The following TMEM132C variants were observed in gnomAD, a reference collection of about 807,000 sequenced individuals.
TMEM132C encodes the protein protein phosphatase 1, regulatory subunit 152.
A neutral mutation model predicts 61.4 loss-of-function variants in TMEM132C; 29 were observed. The observed-to-expected ratio is 0.47, with a 90% CI of 0.35 to 0.64. The LOEUF is 0.64. Among genes scored for constraint, TMEM132C ranks in the 30% least tolerant of loss-of-function variants. The pLI, the probability that TMEM132C is intolerant of heterozygous loss-of-function variation, is 0.00. For synonymous variants in TMEM132C, 656 were observed against 633.1 expected (o/e 1.04, Z -0.54); for missense variants, 1,408 against 1,476.9 (o/e 0.95, Z 0.76).
At chr12:128,468,519 A>G (rs954774447) in intron 2 of TMEM132C, among the ~76,000 whole-genome samples, 2 of 152,004 alleles carry the variant, frequency 1.3e-5, no homozygotes, top group East Asian at 1.9e-4. Flanking sequence ...GGGTTTCTCC[A>G]TGTTGGTCAG....
chr12:128,338,757 AATATAT>A (rs59699427), intron 1 of TMEM132C, among the ~76,000 whole-genome samples: 1,576 of 138,630 alleles, frequency 0.011, 86 homozygotes, highest in African/African-American at 0.038. Flanking sequence ...CTTCTGCAGA[AATATAT>A]ATATATATAT....
intron 4 of TMEM132C, among the ~76,000 whole-genome samples, chr12:128,635,316 G>A (rs1170828333): frequency 2.0e-5 from 3 of 152,302 alleles, no homozygotes; most frequent in Admixed American, 1.3e-4. Flanking sequence ...GCATACTAAA[G>A]ATTCTTGAAA....
At chr12:128,636,013 G>A (rs967367207) in intron 4 of TMEM132C, among the ~76,000 whole-genome samples, 2 of 152,326 alleles carry the variant, frequency 1.3e-5, no homozygotes, top group African/African-American at 4.8e-5. Context: ...AGCTCTGCCA[G>A]TTCTACTAGG....
intron 4 of TMEM132C, among the ~76,000 whole-genome samples, chr12:128,666,495 T>C (rs1298350551): frequency 6.6e-6 from 1 of 152,118 alleles, no homozygotes; most frequent in Non-Finnish European, 1.5e-5. Context: ...ACTAAGACAG[T>C]CTAGGATTCA....
intron 2 of TMEM132C, among the ~76,000 whole-genome samples, chr12:128,422,266 T>C (rs1869015348): frequency 6.6e-6 from 1 of 152,136 alleles, no homozygotes; most frequent in African/African-American, 2.4e-5. Context: ...ACAGAATCAC[T>C]CTGCTGCCAA....
At chr12:128,446,052 G>C (rs1215477774) in intron 2 of TMEM132C, among the ~76,000 whole-genome samples, 1 of 152,192 alleles carries the variant, frequency 6.6e-6, no homozygotes, top group African/African-American at 2.4e-5. Flanking sequence ...AAAAGCAACG[G>C]GGGATGGTGT....
At position 128,360,382 on chromosome 12, in the gene TMEM132C, G is replaced by A. The variant is rs147151388; in HGVS notation, c.86-54350G>A. On this transcript the variant is annotated intron_variant, in intron 1 of 8. Coordinates refer to ENST00000435159, the MANE Select transcript of TMEM132C (RefSeq NM_001136103.3). ...GATGATAGAAATATCCTATGACTTT[G>A]CAATCCACAGGGAAGCCATGAGTCA... Among the ~76,000 whole-genome samples the A allele has an allele frequency of 4.1e-3, 629 of 152,178 alleles. 4 individuals carry two copies. The highest frequency in any genetic ancestry group is 0.014 in the African/African-American group (600 of 41,502).
chr12:128,320,177 A>G (rs928801006), intron 1 of TMEM132C, among the ~76,000 whole-genome samples: 3 of 152,192 alleles, frequency 2.0e-5, no homozygotes, highest in Non-Finnish European at 4.4e-5. Context: ...TGCCCTTGTC[A>G]TAAAATTAAT....
intron 1 of TMEM132C, among the ~76,000 whole-genome samples, chr12:128,358,576 A>T (rs892118962): frequency 1.3e-5 from 2 of 150,770 alleles, no homozygotes; most frequent in African/African-American, 4.9e-5. Flanking sequence ...GTGGCGTGAT[A>T]GTTTTAGGAG....
chr12:128,329,331 TC>T (rs772990113), intron 1 of TMEM132C, among the ~76,000 whole-genome samples: 6 of 152,074 alleles, frequency 3.9e-5, no homozygotes, highest in Non-Finnish European at 7.4e-5. Flanking sequence ...GTAAACTCTG[TC>T]CGGGAGTGGG....
At chr12:128,589,555 G>A (rs548767820) in intron 3 of TMEM132C, among the ~76,000 whole-genome samples, 3 of 139,448 alleles carry the variant, frequency 2.2e-5, no homozygotes, top group South Asian at 2.3e-4. Context: ...CGATAGCGTC[G>A]TGACGCATCG....
chr12:128,676,519 C>T (rs1954588496), intron 5 of TMEM132C, among the ~76,000 whole-genome samples: 1 of 152,100 alleles, frequency 6.6e-6, no homozygotes, highest in Non-Finnish European at 1.5e-5. Flanking sequence ...ACCTTTACTC[C>T]CATCACCCTT....
At chr12:128,404,098 G>A (rs1429035037) in intron 1 of TMEM132C, among the ~76,000 whole-genome samples, 2 of 152,172 alleles carry the variant, frequency 1.3e-5, no homozygotes, top group Non-Finnish European at 2.9e-5. Context: ...GTCACCAAGT[G>A]TTTCTCAAGA....
intron 1 of TMEM132C, among the ~76,000 whole-genome samples, chr12:128,275,394 A>G (rs12302609): frequency 0.48 from 73,086 of 152,028 alleles, 17,906 homozygotes; most frequent in African/African-American, 0.56. Flanking sequence ...CCTAGGTTGC[A>G]TGCTCCTTAT....
intron 1 of TMEM132C, among the ~76,000 whole-genome samples, chr12:128,408,835 T>C (rs1011448580): frequency 5.3e-5 from 8 of 152,204 alleles, no homozygotes; most frequent in Admixed American, 1.3e-4. Flanking sequence ...CAAGTCCGTT[T>C]GGCTGCAGCA....
At chr12:128,512,835 G>A (rs1203487049) in intron 2 of TMEM132C, among the ~76,000 whole-genome samples, 1 of 152,132 alleles carries the variant, frequency 6.6e-6, no homozygotes. Context: ...CCCACACCTC[G>A]CTTTTTGAAA....
intron 1 of TMEM132C, among the ~76,000 whole-genome samples, chr12:128,331,734 C>T (rs967738446): frequency 6.6e-5 from 10 of 152,112 alleles, no homozygotes; most frequent in African/African-American, 2.4e-4. Flanking sequence ...ATAAACATAC[C>T]AGTGTAGGTA....
At chr12:128,374,833 T>C in intron 1 of TMEM132C, among the ~76,000 whole-genome samples, 1 of 149,546 alleles carries the variant, frequency 6.7e-6, no homozygotes. Context: ...GGAAGGAGAA[T>C]CGGTTTGAAC....
intron 3 of TMEM132C, among the ~76,000 whole-genome samples, chr12:128,584,213 C>T (rs958096264): frequency 6.6e-6 from 1 of 152,200 alleles, no homozygotes; most frequent in Non-Finnish European, 1.5e-5. Context: ...AGAAAGTCCC[C>T]TGACCTTTGT....
Sources: gnomAD v4.1 joint callset for allele counts (sites outside exome capture counted in the v4.1 genomes callset) on GRCh38, gnomAD v4.1.1 for gene constraint, MANE v1.5 for transcripts, NCBI Gene and HGNC (gene_info 2026-07-23, HGNC 2026-07-21) for gene names.